Variants in MAF observed in about 807,000 individuals in gnomAD.
MAF encodes transcription factor Maf.
A neutral mutation model predicts 22.0 loss-of-function variants in MAF; 10 were observed. That is an observed-to-expected ratio of 0.45 (90% CI 0.28 to 0.77). The LOEUF (loss-of-function observed/expected upper bound fraction) is 0.77, where lower values mean the gene tolerates loss of function less well. Among genes scored for constraint, MAF ranks in the 30% least tolerant of loss-of-function variants. The pLI is 0.12. For synonymous variants in MAF, 337 were observed against 255.8 expected, an observed-to-expected ratio of 1.32 and a Z score of -3.03; for missense variants, 544 against 548.4, an observed-to-expected ratio of 0.99 and a Z score of 0.08.
Position 79,599,540 on chromosome 16 carries a change from G to C in MAF, c.363C>G (p.Ser121Arg). The change falls in exon 1 of 2, where the codon AGC becomes AGG. Residue 121 changes from serine (S) to arginine (R), a missense_variant. Physicochemically the swap from Ser to Arg is moderately radical, Grantham distance 110. Transcript: ENST00000326043. ...EDAVEALISN[S>R]HQLQGGFDGY... ...CATCGAAGCCGCCCTGGAGCTGGTG[G>C]CTGTTGCTGATGAGCGCCTCGACCG... The C allele has an allele frequency of 1.3e-6, 2 of 1,565,152 alleles. No homozygotes were observed. Among genetic ancestry groups the C allele is most frequent in the Non-Finnish European group, 1.7e-6 (2 of 1,155,528 alleles).
intron 1 of MAF, chr16:79,597,543 G>C (rs1253288933): frequency 2.0e-6 from 2 of 1,022,774 alleles, no homozygotes; most frequent in African/African-American, 3.4e-5. Flanking sequence ...AACCCATTCT[G>C]GTATCTTTGA....
the MAF span, among the ~76,000 whole-genome samples, chr16:79,268,916 T>C: frequency 3.3e-5 from 5 of 152,224 alleles, no homozygotes; most frequent in Admixed American, 2.6e-4. Flanking sequence ...CCTCTCTTTC[T>C]CTGCCTGATA....
chr16:79,506,856 A>G, the MAF span, among the ~76,000 whole-genome samples: 9 of 152,140 alleles, frequency 5.9e-5, no homozygotes, highest in African/African-American at 1.7e-4. Context: ...AGGCTATGAT[A>G]AGAAATTTGG....
the MAF span, chr16:79,203,604 T>G: frequency 6.6e-6 from 1 of 151,992 alleles, no homozygotes; most frequent in Non-Finnish European, 1.5e-5. Context: ...AAACAGCTTG[T>G]TTGTGGTTCG....
the MAF span, among the ~76,000 whole-genome samples, chr16:79,555,188 T>A: frequency 5.3e-5 from 8 of 152,188 alleles, no homozygotes; most frequent in Non-Finnish European, 1.0e-4. Flanking sequence ...TGTATTTGCT[T>A]CCATCCTCCT....
chr16:79,461,525 C>A, the MAF span, among the ~76,000 whole-genome samples: 1 of 152,144 alleles, frequency 6.6e-6, no homozygotes, highest in Admixed American at 6.5e-5. Flanking sequence ...GCCAAAAAGG[C>A]TCTTTGTCAT....
At chr16:79,367,027 G>C in the MAF span, among the ~76,000 whole-genome samples, 2 of 152,088 alleles carry the variant, frequency 1.3e-5, no homozygotes, top group Admixed American at 6.5e-5. Flanking sequence ...AAAAACTCAA[G>C]GTTTTTTTTT....
chr16:79,527,421 C>T, the MAF span, among the ~76,000 whole-genome samples: 1 of 152,216 alleles, frequency 6.6e-6, no homozygotes, highest in African/African-American at 2.4e-5. Context: ...CTAGAAAATA[C>T]TATTTTTCTT....
chr16:79,273,563 T>C, the MAF span, among the ~76,000 whole-genome samples: 2 of 152,204 alleles, frequency 1.3e-5, no homozygotes, highest in Non-Finnish European at 2.9e-5. Flanking sequence ...GGGGAGAATC[T>C]GTTTTCTTGC....
At chr16:79,323,244 G>A in the MAF span, among the ~76,000 whole-genome samples, 1 of 149,860 alleles carries the variant, frequency 6.7e-6, no homozygotes, top group Non-Finnish European at 1.5e-5. Context: ...CTAGTCCCGG[G>A]GGTTCAACTG....
the MAF span, among the ~76,000 whole-genome samples, chr16:79,458,450 TTTGA>T: frequency 1.3e-5 from 2 of 152,178 alleles, no homozygotes; most frequent in African/African-American, 4.8e-5. Context: ...TTTTTATATG[TTTGA>T]TTATTTAACA....
the MAF span, among the ~76,000 whole-genome samples, chr16:79,453,590 T>C: frequency 6.6e-6 from 1 of 152,190 alleles, no homozygotes. Flanking sequence ...CTGGGAAAGG[T>C]CGGCTTTATT....
chr16:79,441,488 G>A, the MAF span, among the ~76,000 whole-genome samples: 1 of 152,178 alleles, frequency 6.6e-6, no homozygotes, highest in Non-Finnish European at 1.5e-5. Flanking sequence ...CAGACAACAG[G>A]TGAATACATG....
At chr16:79,405,755 T>C in the MAF span, among the ~76,000 whole-genome samples, 7 of 152,192 alleles carry the variant, frequency 4.6e-5, no homozygotes, top group Non-Finnish European at 8.8e-5. Context: ...CACTGAGCTC[T>C]TGCATTATCT....
chr16:79,331,768 C>T, the MAF span, among the ~76,000 whole-genome samples: 2 of 152,120 alleles, frequency 1.3e-5, no homozygotes, highest in Non-Finnish European at 2.9e-5. Flanking sequence ...CATCTCCTGC[C>T]ACTGTGGCCT....
At chr16:79,407,896 T>A in the MAF span, among the ~76,000 whole-genome samples, 1 of 151,908 alleles carries the variant, frequency 6.6e-6, no homozygotes, top group East Asian at 1.9e-4. Context: ...AGGCTTACAA[T>A]TTGCAGCTGA....
At chr16:79,561,213 G>A in the MAF span, among the ~76,000 whole-genome samples, 1 of 151,418 alleles carries the variant, frequency 6.6e-6, no homozygotes, top group East Asian at 1.9e-4. Context: ...CTTTTCTCTT[G>A]TTCATCTGCC....
chr16:79,583,278 A>C (rs977073724), downstream of MAF, among the ~76,000 whole-genome samples: 1 of 152,212 alleles, frequency 6.6e-6, no homozygotes, highest in Non-Finnish European at 1.5e-5. Flanking sequence ...AGCCTTCCTT[A>C]CGTTTGACAA....
At chr16:79,528,336 C>T in the MAF span, among the ~76,000 whole-genome samples, 7 of 152,032 alleles carry the variant, frequency 4.6e-5, no homozygotes, top group South Asian at 2.1e-4. Flanking sequence ...AGAAAAAGGC[C>T]GAGCTCATGT....
Sources: allele counts gnomAD v4.1 joint callset (sites outside exome capture counted in the v4.1 genomes callset), GRCh38; gene constraint gnomAD v4.1.1; transcripts MANE v1.5; gene names NCBI Gene and HGNC (gene_info 2026-07-23, HGNC 2026-07-21).